RAB6A: variants seen among roughly 807,000 people sequenced by gnomAD.
The protein encoded by RAB6A is ras-related protein Rab-6A.
In RAB6A, 8 loss-of-function variants were observed where a neutral mutation model predicts 32.3. The ratio of observed to expected loss-of-function variants is 0.25; its 90% confidence interval spans 0.15 to 0.45. RAB6A has a LOEUF of 0.45. Among genes scored for constraint, RAB6A ranks in the 20% least tolerant of loss-of-function variants. The probability of loss-of-function intolerance (pLI) is 1.00; values close to 1 mark genes in which losing one functional copy is unlikely to be tolerated. For missense variants in RAB6A, 104 were observed against 249.4 expected (o/e 0.42, Z 3.93); for synonymous variants, 73 against 82.1 (o/e 0.89, Z 0.60).
At chr11:73,749,207 C>T (rs750842019) in intron 1 of RAB6A, among the ~76,000 whole-genome samples, 3 of 152,092 alleles carry the variant, frequency 2.0e-5, no homozygotes, top group African/African-American at 7.2e-5. Context: ...TAATGGCATT[C>T]GCAGCAACTT....
intron 6 of RAB6A, among the ~76,000 whole-genome samples, chr11:73,705,161 C>G (rs555069335): frequency 6.6e-6 from 1 of 152,264 alleles, no homozygotes; most frequent in Non-Finnish European, 1.5e-5. Context: ...TAGGGGACTA[C>G]AGCAATGCCT....
intron 2 of RAB6A, among the ~76,000 whole-genome samples, chr11:73,728,607 T>A (rs1946258702): frequency 7.3e-6 from 1 of 137,734 alleles, no homozygotes; most frequent in Non-Finnish European, 1.5e-5. Context: ...TCTGTCTTTG[T>A]TTAAATAATA....
At chr11:73,742,671 C>A (rs545693215) in intron 1 of RAB6A, among the ~76,000 whole-genome samples, 1 of 151,944 alleles carries the variant, frequency 6.6e-6, no homozygotes, top group Admixed American at 6.6e-5. Flanking sequence ...ATTAGCTGGG[C>A]GTGGTAGCAC....
At chr11:73,725,583 GA>G (rs1946204318) in intron 2 of RAB6A, among the ~76,000 whole-genome samples, 1 of 152,124 alleles carries the variant, frequency 6.6e-6, no homozygotes, top group Non-Finnish European at 1.5e-5. Flanking sequence ...AGAAGCAAGC[GA>G]AAAGGGTTTC....
chr11:73,679,777 A>AG, intron 6 of RAB6A, 57 bp from the exon 7 acceptor site: 1 of 1,600,524 alleles, frequency 6.2e-7, no homozygotes, highest in Non-Finnish European at 8.6e-7. Context: ...AAGGGTACTG[A>AG]GGTTTATGAT....
At position 73,707,474 on chromosome 11, in the gene RAB6A, C is replaced by T. The variant is rs375527729; in HGVS notation, c.441G>A (p.Glu147=). 2 of 1,613,854 alleles carry T rather than the reference C, an allele frequency of 1.2e-6. No individual in the cohort carries two copies. The highest frequency in any genetic ancestry group is 1.7e-6 in the Non-Finnish European group (2 of 1,179,870). ...SIEEGERKAK[E]LNVMFIETSA... ...TAGTTTCAATAAACATAACATTCAG[C>T]TCTTTGGCTTTCCTCTCTCCCTCCT... The change falls in exon 6 of 8, where the codon GAG becomes GAA. Residue 147 remains glutamate, a synonymous_variant. Coordinates refer to ENST00000336083, the MANE Select transcript of RAB6A (RefSeq NM_198896.2).
At chr11:73,739,284 A>AAAAAAAAAT (rs1208877325) in intron 1 of RAB6A, among the ~76,000 whole-genome samples, 3 of 6,762 alleles carry the variant, frequency 4.4e-4, no homozygotes, top group Non-Finnish European at 3.4e-4. Context: ...AAAAAAAAAA[A>AAAAAAAAAT]ATATATATAT....
At chr11:73,680,583 C>T (rs757403499) in intron 6 of RAB6A, among the ~76,000 whole-genome samples, 33 of 148,182 alleles carry the variant, frequency 2.2e-4, no homozygotes, top group Non-Finnish European at 3.7e-4. Flanking sequence ...ACCTGGGAGG[C>T]GGAGGTTGCA....
chr11:73,739,263 T>TAAAAAAAAAAAAAAAAA (rs58629008), intron 1 of RAB6A, among the ~76,000 whole-genome samples: 2 of 9,384 alleles, frequency 2.1e-4, no homozygotes, highest in African/African-American at 3.6e-4. Context: ...TAATAATAAT[T>TAAAAAAAAAAAAAAAAA]AAAAAAAAAA....
intron 1 of RAB6A, among the ~76,000 whole-genome samples, chr11:73,757,129 ATTTTT>A (rs869261713): frequency 2.8e-3 from 86 of 30,184 alleles, no homozygotes; most frequent in Non-Finnish European, 3.4e-3. Flanking sequence ...ATATATATAT[ATTTTT>A]TTTTTTTTTT....
At chr11:73,685,286 C>CTTT (rs750488240) in intron 6 of RAB6A, among the ~76,000 whole-genome samples, 11,041 of 117,152 alleles carry the variant, frequency 0.094, 826 homozygotes, top group South Asian at 0.25. Context: ...TATAGAAAGT[C>CTTT]TTTTTTTTTT....
chr11:73,695,749 T>C (rs536723742), intron 6 of RAB6A, among the ~76,000 whole-genome samples: 55 of 152,320 alleles, frequency 3.6e-4, no homozygotes, highest in African/African-American at 1.3e-3. Context: ...AAGAAACTTA[T>C]TAAGTCCACG....
At chr11:73,702,725 C>T (rs1945766506) in intron 6 of RAB6A, among the ~76,000 whole-genome samples, 3 of 152,068 alleles carry the variant, frequency 2.0e-5, no homozygotes, top group Admixed American at 2.0e-4. Flanking sequence ...GGGAAATTAA[C>T]AACATATTTC....
intron 6 of RAB6A, among the ~76,000 whole-genome samples, chr11:73,703,720 A>G (rs997940677): frequency 2.0e-5 from 3 of 152,030 alleles, no homozygotes; most frequent in African/African-American, 7.2e-5. Context: ...CAGCCTGGGC[A>G]ACAGAGCAAG....
intron 1 of RAB6A, among the ~76,000 whole-genome samples, chr11:73,743,147 C>A (rs1946526135): frequency 6.6e-6 from 1 of 151,078 alleles, no homozygotes; most frequent in South Asian, 2.1e-4. Flanking sequence ...AATACACACA[C>A]AAAAAAAATT....
chr11:73,695,867 C>T (rs1035743586), intron 6 of RAB6A, among the ~76,000 whole-genome samples: 1 of 152,126 alleles, frequency 6.6e-6, no homozygotes, highest in Non-Finnish European at 1.5e-5. Flanking sequence ...TGATGACAAG[C>T]TGAATATGGT....
At chr11:73,688,977 G>C (rs1432630915) in intron 6 of RAB6A, among the ~76,000 whole-genome samples, 1 of 152,134 alleles carries the variant, frequency 6.6e-6, no homozygotes, top group African/African-American at 2.4e-5. Context: ...TAAAAAATTA[G>C]CCAGGTGTGG....
At chr11:73,744,853 T>C (rs1946561680) in intron 1 of RAB6A, among the ~76,000 whole-genome samples, 1 of 151,764 alleles carries the variant, frequency 6.6e-6, no homozygotes, top group South Asian at 2.1e-4. Flanking sequence ...TGCACACCTG[T>C]AGTCCCAGCT....
chr11:73,699,567 G>C (rs1371935553), intron 6 of RAB6A, among the ~76,000 whole-genome samples: 1 of 152,160 alleles, frequency 6.6e-6, no homozygotes, highest in Non-Finnish European at 1.5e-5. Flanking sequence ...ACTGCGCCTG[G>C]CCTTGCTTCT....
Sources: gnomAD v4.1 joint callset for allele counts (sites outside exome capture counted in the v4.1 genomes callset) on GRCh38, gnomAD v4.1.1 for gene constraint, MANE v1.5 for transcripts, NCBI Gene and HGNC (gene_info 2026-07-23, HGNC 2026-07-21) for gene names.